The following TRIM44 variants were observed in gnomAD, a reference collection of about 807,000 sequenced individuals.
The protein encoded by TRIM44 is tripartite motif-containing protein 44.
In TRIM44, 13 loss-of-function variants were observed where a neutral mutation model predicts 37.4. The observed-to-expected ratio is 0.35, with a 90% confidence interval of 0.23 to 0.55. TRIM44 has a LOEUF of 0.55. TRIM44 is among the 20% of genes least tolerant of loss of function. The probability of loss-of-function intolerance (pLI) is 0.89; values close to 1 mark genes in which losing one functional copy is unlikely to be tolerated. For missense variants in TRIM44, 426 were observed against 437.2 expected (o/e 0.97, Z 0.23); for synonymous variants, 175 against 157.2 (o/e 1.11, Z -0.85).
intron 4 of TRIM44, among the ~76,000 whole-genome samples, chr11:35,757,790 T>C (rs1254731432): frequency 1.3e-5 from 2 of 152,232 alleles, no homozygotes; most frequent in African/African-American, 4.8e-5. Context: ...TTGTTCAGTT[T>C]CCATGTAGTT....
At chr11:35,668,353 C>G (rs1434729630) in intron 1 of TRIM44, among the ~76,000 whole-genome samples, 1 of 152,190 alleles carries the variant, frequency 6.6e-6, no homozygotes, top group African/African-American at 2.4e-5. Context: ...CTTTCTGATG[C>G]TCTCCTTCCT....
chr11:35,774,086 C>A (rs554310415), intron 4 of TRIM44, among the ~76,000 whole-genome samples: 2 of 152,336 alleles, frequency 1.3e-5, no homozygotes, highest in Non-Finnish European at 2.9e-5. Flanking sequence ...ACAGTCCCAC[C>A]AACAGTGTAA....
intron 2 of TRIM44, among the ~76,000 whole-genome samples, chr11:35,725,630 C>A (rs1371060835): frequency 6.6e-6 from 1 of 152,094 alleles, no homozygotes; most frequent in East Asian, 1.9e-4. Context: ...GCCACCACGC[C>A]CGGCCTCATT....
intron 2 of TRIM44, among the ~76,000 whole-genome samples, chr11:35,712,327 A>G (rs1851984957): frequency 6.6e-6 from 1 of 152,182 alleles, no homozygotes; most frequent in Admixed American, 6.5e-5. Flanking sequence ...TAAAGAAGTT[A>G]TTTTAGGAAT....
At chr11:35,672,784 G>A (rs568654107) in intron 1 of TRIM44, among the ~76,000 whole-genome samples, 41 of 152,294 alleles carry the variant, frequency 2.7e-4, no homozygotes, top group Middle Eastern at 3.4e-3. Context: ...AAGGCTTGCT[G>A]TAATGTATCT....
chr11:35,787,963 C>G lies in TRIM44; in HGVS notation c.1008-18395C>G, dbSNP rs116014285. On this transcript the variant is annotated intron_variant, in intron 4 of 4. Coordinates refer to ENST00000299413, the MANE Select transcript of TRIM44 (RefSeq NM_017583.6). ...CTCACTTTCCAGGCTGCCACTCCCC[C>G]CTTCCTCACCAGCTTTGATGCCAGC... 8.4e-3 allele frequency among the ~76,000 whole-genome samples: 1,278 copies of G among 152,344 alleles called. 17 individuals are homozygous for G. Among genetic ancestry groups the G allele is most frequent in the African/African-American group, 0.028 (1,183 of 41,574 alleles).
At position 35,807,786 on chromosome 11, in the gene TRIM44, C is replaced by G. The variant is rs1195330150; in HGVS notation, c.*1401C>G. ...TTTGCAAGTGGGTTATGTGTTCACT[C>G]TCCTCTACCTTTATGGTATTTTGGT... On this transcript the variant is annotated 3_prime_UTR_variant, in exon 5 of 5. Transcript: ENST00000299413. 1 of 152,154 alleles carries G rather than the reference C, an allele frequency of 6.6e-6. No individual in the cohort carries two copies. Among genetic ancestry groups the G allele is most frequent in the Admixed American group, 6.5e-5 (1 of 15,272 alleles). 9.4% of individuals were successfully genotyped at this position (152,154 alleles called of 1,614,324 possible). A position where few individuals can be genotyped will look rare whatever the true frequency, so the allele number is the denominator to read the frequency against.
At chr11:35,690,260 A>C (rs1851625032) in intron 2 of TRIM44, among the ~76,000 whole-genome samples, 1 of 152,200 alleles carries the variant, frequency 6.6e-6, no homozygotes, top group Non-Finnish European at 1.5e-5. Flanking sequence ...TTTTTATTTC[A>C]GCATTTATGT....
intron 4 of TRIM44, among the ~76,000 whole-genome samples, chr11:35,757,793 A>C (rs546789023): frequency 6.6e-6 from 1 of 152,108 alleles, no homozygotes; most frequent in African/African-American, 2.4e-5. Flanking sequence ...TTCAGTTTCC[A>C]TGTAGTTGAG....
chr11:35,674,893 G>A (rs1035887568), intron 1 of TRIM44, among the ~76,000 whole-genome samples: 1 of 152,180 alleles, frequency 6.6e-6, no homozygotes, highest in African/African-American at 2.4e-5. Context: ...TCACTGGAGG[G>A]CATGGAGCCA....
rs190816977 is a variant in TRIM44 at position 35,772,905 on chromosome 11, G to A, written c.1008-33453G>A. Among the ~76,000 whole-genome samples, 305 of 152,272 alleles carry A rather than the reference G, an allele frequency of 2.0e-3. 1 individual carries two copies. Among genetic ancestry groups the A allele is most frequent in the African/African-American group, 7.1e-3 (294 of 41,548 alleles). The stretch of plus-strand genomic sequence containing the variant: ...AAATGTGAGGACTTGAGATTTAAAG[G>A]GGACAAGGGCAGAAAGATGGTTTGG... On this transcript the variant is annotated intron_variant, in intron 4 of 4. Transcript: ENST00000299413.
intron 2 of TRIM44, among the ~76,000 whole-genome samples, chr11:35,705,937 C>A (rs1364204208): frequency 6.7e-6 from 1 of 148,420 alleles, no homozygotes; most frequent in Non-Finnish European, 1.5e-5. Context: ...GAAACAGAGA[C>A]ACAAAAAAAC....
intron 4 of TRIM44, among the ~76,000 whole-genome samples, chr11:35,763,406 T>C (rs1454608015): frequency 2.0e-5 from 3 of 152,088 alleles, no homozygotes; most frequent in African/African-American, 7.2e-5. Flanking sequence ...GAGGACTTAG[T>C]GAGTGGCTGT....
intron 3 of TRIM44, among the ~76,000 whole-genome samples, chr11:35,733,129 C>G (rs1483461201): frequency 1.3e-5 from 2 of 151,958 alleles, no homozygotes; most frequent in African/African-American, 4.8e-5. Flanking sequence ...ATATGGTGAC[C>G]CTTTGAGGTA....
chr11:35,663,973 G>C (rs1486691753), intron 1 of TRIM44, among the ~76,000 whole-genome samples, 193 bp downstream of exon 1: 4 of 152,142 alleles, frequency 2.6e-5, no homozygotes, highest in African/African-American at 9.7e-5. Context: ...TCTGGACTCT[G>C]ACCTGAGAAA....
At chr11:35,665,981 A>T (rs898293008) in intron 1 of TRIM44, among the ~76,000 whole-genome samples, 7 of 152,090 alleles carry the variant, frequency 4.6e-5, no homozygotes, top group Non-Finnish European at 8.8e-5. Context: ...TGTGCCTTGA[A>T]TAGAAGCTCT....
intron 4 of TRIM44, among the ~76,000 whole-genome samples, chr11:35,792,111 A>ACACACACTCTCTCTCT (rs796092540): frequency 1.4e-4 from 16 of 114,298 alleles, no homozygotes; most frequent in African/African-American, 5.2e-4. Flanking sequence ...ACACACACAC[A>ACACACACTCTCTCTCT]CTCTCTCTCA....
At chr11:35,725,893 C>G in intron 2 of TRIM44, 31 bp from the exon 3 acceptor site, 1 of 1,608,426 alleles carries the variant, frequency 6.2e-7, no homozygotes, top group Middle Eastern at 1.7e-4. Context: ...GTATGTTCAA[C>G]TTATTCTTCT....
intron 4 of TRIM44, among the ~76,000 whole-genome samples, chr11:35,745,552 G>A (rs1228949407): frequency 3.3e-5 from 5 of 152,142 alleles, no homozygotes; most frequent in African/African-American, 1.2e-4. Context: ...GTGAAATGAT[G>A]TATAACGAAA....
Sources: gnomAD v4.1 joint callset for allele counts (sites outside exome capture counted in the v4.1 genomes callset) on GRCh38, gnomAD v4.1.1 for gene constraint, MANE v1.5 for transcripts, NCBI Gene and HGNC (gene_info 2026-07-23, HGNC 2026-07-21) for gene names.